CSMD1: variants seen among roughly 807,000 people sequenced by gnomAD.
The protein encoded by CSMD1 is CUB and Sushi multiple domains 1, also known as CUB and sushi domain-containing protein 1.
Under a neutral mutation model 417.5 loss-of-function variants are expected in CSMD1, and 213 were observed. The ratio of observed to expected loss-of-function variants is 0.51; its 90% CI spans 0.46 to 0.57. CSMD1 has a LOEUF of 0.57. Ranked by LOEUF, CSMD1 falls within the 20% of genes least tolerant of loss-of-function variation. CSMD1 has a pLI of 0.00. For missense variants in CSMD1, 6,923 were observed against 4,529.7 expected (o/e 1.53, Z -15.17); for synonymous variants, 2,862 against 1,736.8 (o/e 1.65, Z -16.11).
chr8:4,719,934 T>C (rs1808942725), intron 1 of CSMD1, among the ~76,000 whole-genome samples: 1 of 152,150 alleles, frequency 6.6e-6, no homozygotes, highest in South Asian at 2.1e-4. Flanking sequence ...CAGTTGTTGA[T>C]AGCTAATGTC....
intron 11 of CSMD1, among the ~76,000 whole-genome samples, chr8:3,471,678 CTTCCTTCCTTCCTTCTTCCTTTCTTCT>C (rs1306260799): frequency 1.3e-5 from 2 of 149,410 alleles, no homozygotes; most frequent in Non-Finnish European, 3.0e-5. Flanking sequence ...CCCTCCCTCC[CTTCCTTCCTTCCTTCTTCCTTTCTTCT>C]TTCCTTCCTT....
At chr8:3,748,439 C>A (rs1797162673) in intron 6 of CSMD1, among the ~76,000 whole-genome samples, 1 of 152,176 alleles carries the variant, frequency 6.6e-6, no homozygotes, top group Non-Finnish European at 1.5e-5. Context: ...GGTTTCTAGA[C>A]ACTCTGCAGA....
At chr8:4,076,029 A>G (rs1381650234) in intron 3 of CSMD1, among the ~76,000 whole-genome samples, 1 of 152,166 alleles carries the variant, frequency 6.6e-6, no homozygotes, top group African/African-American at 2.4e-5. Flanking sequence ...TCCTATAAAT[A>G]TTATGGAAAG....
chr8:4,068,302 T>C (rs1401894609), intron 3 of CSMD1, among the ~76,000 whole-genome samples: 2 of 152,136 alleles, frequency 1.3e-5, no homozygotes, highest in East Asian at 1.9e-4. Context: ...TGGAGGACAG[T>C]GTATTGCGGG....
intron 3 of CSMD1, among the ~76,000 whole-genome samples, chr8:4,314,618 C>T (rs867361729): frequency 0.018 from 2,721 of 152,222 alleles, 91 homozygotes; most frequent in African/African-American, 0.062. Flanking sequence ...CACACACACA[C>T]ACACACACAA....
At chr8:4,403,558 T>C (rs1395604977) in intron 3 of CSMD1, among the ~76,000 whole-genome samples, 1 of 152,154 alleles carries the variant, frequency 6.6e-6, no homozygotes, top group Non-Finnish European at 1.5e-5. Flanking sequence ...ACCTCTTCCT[T>C]CCTGAAAGGC....
chr8:4,451,229 G>T (rs1212841889), intron 2 of CSMD1, among the ~76,000 whole-genome samples: 1 of 152,232 alleles, frequency 6.6e-6, no homozygotes, highest in Admixed American at 6.5e-5. Context: ...TACTTGGGAG[G>T]CTAAGGAGGG....
chr8:4,358,134 A>G lies in CSMD1; in HGVS notation c.415+61819T>C, dbSNP rs569375144. Among the ~76,000 whole-genome samples the G allele has an allele frequency of 2.2e-4, 34 of 152,334 alleles. 1 individual carries two copies. The highest frequency in any genetic ancestry group is 3.4e-3 in the Middle Eastern group (1 of 294). On this transcript the variant is annotated intron_variant, in intron 3 of 69. Transcript: ENST00000635120. ...CCAATTTAATTTATTCTCAAAATTTATTCTCAAAATTTCCATGCATGCAAA... is the reference window on the plus strand; with the variant it reads ...CCAATTTAATTTATTCTCAAAATTTGTTCTCAAAATTTCCATGCATGCAAA...
intron 3 of CSMD1, among the ~76,000 whole-genome samples, chr8:4,280,430 G>A (rs1796717185): frequency 6.6e-6 from 1 of 152,158 alleles, no homozygotes. Flanking sequence ...GTACCGAAAT[G>A]TGCGACCGGA....
At chr8:3,775,719 C>G (rs1798856331) in intron 5 of CSMD1, among the ~76,000 whole-genome samples, 1 of 152,208 alleles carries the variant, frequency 6.6e-6, no homozygotes, top group Non-Finnish European at 1.5e-5. Context: ...TGCACGCAAA[C>G]ACACAGTTCA....
chr8:4,548,971 G>C (rs753954001), intron 2 of CSMD1, among the ~76,000 whole-genome samples: 1 of 152,036 alleles, frequency 6.6e-6, no homozygotes, highest in East Asian at 1.9e-4. Context: ...ATAAAGTTTT[G>C]AGACGCAATT....
At chr8:3,568,174 T>C (rs999391652) in intron 10 of CSMD1, among the ~76,000 whole-genome samples, 3 of 152,224 alleles carry the variant, frequency 2.0e-5, no homozygotes, top group Non-Finnish European at 4.4e-5. Flanking sequence ...TTGAGGGTTA[T>C]AAAGTACTGA....
At chr8:4,268,684 A>T (rs1187726345) in intron 3 of CSMD1, among the ~76,000 whole-genome samples, 2 of 152,180 alleles carry the variant, frequency 1.3e-5, no homozygotes, top group Admixed American at 6.6e-5. Context: ...TAAGGAAGAT[A>T]TATGTGTATC....
At position 3,795,900 on chromosome 8, in the gene CSMD1, T is replaced by G. The variant is rs1381750526; in HGVS notation, c.819-41858A>C. The stretch of plus-strand genomic sequence containing the variant: ...TATATATCTATCATGTACAGATATA[T>G]ATATCATGTACAGATATAGATATCT... On this transcript the variant is annotated intron_variant, in intron 5 of 69. Coordinates refer to ENST00000635120, the MANE Select transcript of CSMD1 (RefSeq NM_033225.6). 6.3e-4 allele frequency among the ~76,000 whole-genome samples: 37 copies of G among 58,378 alleles called. 11 individuals carry two copies. The highest frequency in any genetic ancestry group is 1.2e-3 in the East Asian group (3 of 2,530). 38.3% of individuals were successfully genotyped at this position (58,378 alleles called of 152,430 possible).
intron 7 of CSMD1, among the ~76,000 whole-genome samples, chr8:3,700,264 G>A (rs1031439548): frequency 1.3e-5 from 2 of 152,154 alleles, no homozygotes; most frequent in East Asian, 1.9e-4. Context: ...GAAAAAATAC[G>A]AAAAATAATT....
chr8:3,106,575 T>A lies in CSMD1; in HGVS notation c.6902A>T (p.Lys2301Met). 6.2e-7 allele frequency: 1 copy of A among 1,613,926 alleles called. No homozygotes were observed. Among genetic ancestry groups the A allele is most frequent in the Non-Finnish European group, 8.5e-7 (1 of 1,179,852 alleles). Residue 2301 changes from lysine (K) to methionine (M), a missense_variant, in exon 46 of 70, where the codon AAG (lysine) becomes ATG (methionine). By Grantham distance (95) the Lys-to-Met change is moderately conservative. Transcript: ENST00000635120. ...CTCAAACTGCAACTGGGAACTGAGCTTGCAAGTCAGAATGTCGGTCCCCAC... is the reference window on the plus strand; with the variant it reads ...CTCAAACTGCAACTGGGAACTGAGCATGCAAGTCAGAATGTCGGTCCCCAC... ...TLVGTDILTCKLSSQLQFEGS... is the reference protein window; with the variant it reads ...TLVGTDILTCMLSSQLQFEGS...
chr8:3,670,086 T>G (rs529318362), intron 7 of CSMD1, among the ~76,000 whole-genome samples: 1 of 152,110 alleles, frequency 6.6e-6, no homozygotes, highest in East Asian at 1.9e-4. Context: ...TCAACTTGAT[T>G]GGATTAAAGG....
At chr8:4,504,617 C>G (rs528960124) in intron 2 of CSMD1, among the ~76,000 whole-genome samples, 1 of 152,070 alleles carries the variant, frequency 6.6e-6, no homozygotes, top group Non-Finnish European at 1.5e-5. Flanking sequence ...TTTGTCCTAA[C>G]GCTCTCCCTC....
At chr8:4,315,203 G>A (rs575154588) in intron 3 of CSMD1, among the ~76,000 whole-genome samples, 20 of 152,278 alleles carry the variant, frequency 1.3e-4, no homozygotes, top group Admixed American at 3.9e-4. Context: ...ACCTACCAGA[G>A]GTGGCACTTT....
Sources: allele counts gnomAD v4.1 joint callset (sites outside exome capture counted in the v4.1 genomes callset), GRCh38; gene constraint gnomAD v4.1.1; transcripts MANE v1.5; gene names NCBI Gene and HGNC (gene_info 2026-07-23, HGNC 2026-07-21).